GAS2L3: variants seen among roughly 807,000 people sequenced by gnomAD.
GAS2L3 encodes GAS2-like protein 3.
A neutral mutation model predicts 37.0 loss-of-function variants in GAS2L3; 28 were observed. The ratio of observed to expected loss-of-function variants is 0.76; its 90% CI spans 0.56 to 1.04. GAS2L3 has a LOEUF of 1.04. Among genes scored for constraint, GAS2L3 ranks in the 50% least tolerant of loss-of-function variants. GAS2L3 has a pLI of 0.00. For synonymous variants in GAS2L3, 290 were observed against 296.6 expected (o/e 0.98, Z 0.23); for missense variants, 793 against 817.6 (o/e 0.97, Z 0.37).
chr12:100,590,782 T>G (rs755510536), intron 1 of GAS2L3, among the ~76,000 whole-genome samples: 121 of 152,156 alleles, frequency 8.0e-4, no homozygotes, highest in Non-Finnish European at 1.4e-3. Context: ...GCATTTGCAG[T>G]GACCTGGATG....
intron 6 of GAS2L3, 121 bp from the exon 7 acceptor site, chr12:100,617,623 T>C: frequency 1.5e-6 from 1 of 654,864 alleles, no homozygotes; most frequent in Non-Finnish European, 2.7e-6. Flanking sequence ...CTTCATTTTT[T>C]CTAAACAAGT....
Position 100,573,761 on chromosome 12 carries a change from G to T in GAS2L3, c.-176G>T, listed in dbSNP as rs1465879244. 6.5e-6 allele frequency: 1 copy of T among 153,744 alleles called. No individual in the cohort carries two copies. The highest frequency in any genetic ancestry group is 1.5e-5 in the Non-Finnish European group (1 of 68,604). The allele number at this position is 153,744 out of a possible 1,614,324, so 9.5% of individuals were successfully genotyped here. ...GATTGAGCCGAGTTGTCGCCCCGCTGGGAGAAGTGACCCTCCTGCGCCTGG... is the reference window on the plus strand; with the variant it reads ...GATTGAGCCGAGTTGTCGCCCCGCTTGGAGAAGTGACCCTCCTGCGCCTGG... On this transcript the variant is annotated 5_prime_UTR_variant, in exon 1 of 10. Coordinates refer to ENST00000547754, the MANE Select transcript of GAS2L3 (RefSeq NM_174942.3).
At chr12:100,583,010 C>G (rs1955732970) in intron 1 of GAS2L3, among the ~76,000 whole-genome samples, 1 of 152,236 alleles carries the variant, frequency 6.6e-6, no homozygotes. Context: ...TTCGGTGACT[C>G]TGACCTTTCT....
rs1183815679 is a variant in GAS2L3, at chr12:100,612,025, G to T, written c.329G>T (p.Cys110Phe). ...AATTTTCCAATGAGAAAAGTGCCCTGTAAGAAAGATGCTGCATCAGGTTCA... is the reference window on the plus strand; with the variant it reads ...AATTTTCCAATGAGAAAAGTGCCCTTTAAGAAAGATGCTGCATCAGGTTCA... The part of the protein sequence containing the change: ...SGNFPMRKVP[C>F]KKDAASGSFF... Residue 110 changes from cysteine (C) to phenylalanine (F), a missense_variant, in exon 6 of 10, where the codon TGT (cysteine) becomes TTT (phenylalanine). Coordinates refer to ENST00000547754, the MANE Select transcript of GAS2L3 (RefSeq NM_174942.3). The T allele has an allele frequency of 6.2e-7, 1 of 1,610,880 alleles. No homozygotes were observed. Among genetic ancestry groups the T allele is most frequent in the Admixed American group, 1.7e-5 (1 of 59,924 alleles).
intron 1 of GAS2L3, among the ~76,000 whole-genome samples, chr12:100,587,197 G>C (rs959398217): frequency 1.3e-5 from 2 of 152,084 alleles, no homozygotes; most frequent in Admixed American, 1.3e-4. Flanking sequence ...ACAAGATAGA[G>C]AAAGAAGGAA....
intron 5 of GAS2L3, among the ~76,000 whole-genome samples, chr12:100,604,503 T>C (rs1956032710): frequency 7.7e-6 from 1 of 129,692 alleles, no homozygotes; most frequent in Non-Finnish European, 1.6e-5. Context: ...GTGTGGGGTC[T>C]TTAGGTTTTT....
chr12:100,574,088 C>G (rs1335544743), intron 1 of GAS2L3: 2 of 152,332 alleles, frequency 1.3e-5, no homozygotes, highest in East Asian at 3.9e-4. Context: ...CTGGTGTGGG[C>G]GAGCTCAGCT....
At position 100,577,737 on chromosome 12, in the gene GAS2L3, T is replaced by C. The variant is rs187524280; in HGVS notation, c.-152+3952T>C. Among the ~76,000 whole-genome samples, 25 of 152,298 alleles carry C rather than the reference T, an allele frequency of 1.6e-4. No individual in the cohort carries two copies. In the East Asian group the frequency reaches 2.3e-3, roughly 14 times the overall value. Reference sequence around the variant, plus strand: ...TGCAGCAAAATAGAAGCATATAATATTGCTATATCCCTAAATTGGGGAGAT... The same window carrying C: ...TGCAGCAAAATAGAAGCATATAATACTGCTATATCCCTAAATTGGGGAGAT... On this transcript the variant is annotated intron_variant, in intron 1 of 9. Transcript: ENST00000547754.
chr12:100,620,557 C>T (rs774190915), intron 8 of GAS2L3, among the ~76,000 whole-genome samples: 2 of 151,814 alleles, frequency 1.3e-5, no homozygotes, highest in Admixed American at 6.6e-5. Context: ...GGAAAAGATA[C>T]GACTTGTTAT....
At position 100,623,699 on chromosome 12, in the gene GAS2L3, A is replaced by G. The variant is rs755279811; in HGVS notation, c.894A>G (p.Gly298=). 8.1e-6 allele frequency: 13 copies of G among 1,613,952 alleles called. No homozygotes were observed. The African/African-American group carries it at 1.7e-4, about 22-fold the overall frequency. ...AAAAAATTTTAGCATTTCAAAAAGG[A>G]GTTTCTAATGAAAGTGTACCTGATT... ...LEQKILAFQK[G]VSNESVPDSP... The change falls in exon 10 of 10, where the codon GGA becomes GGG. Residue 298 remains glycine (G), a synonymous_variant. Coordinates refer to ENST00000547754, the MANE Select transcript of GAS2L3 (RefSeq NM_174942.3).
intron 8 of GAS2L3, among the ~76,000 whole-genome samples, chr12:100,620,033 G>A (rs1956234790): frequency 6.6e-6 from 1 of 152,018 alleles, no homozygotes; most frequent in South Asian, 2.1e-4. Flanking sequence ...TGTTGGCAAT[G>A]GAAAATGATG....
chr12:100,604,706 A>C (rs1382946488), intron 5 of GAS2L3, among the ~76,000 whole-genome samples: 3 of 151,888 alleles, frequency 2.0e-5, no homozygotes, highest in Non-Finnish European at 4.4e-5. Context: ...GTTTTTCCCC[A>C]TTTGGTATGA....
intron 1 of GAS2L3, chr12:100,580,101 T>G: frequency 2.8e-6 from 3 of 1,072,518 alleles, no homozygotes; most frequent in Non-Finnish European, 4.4e-6. Context: ...TCATTGATAC[T>G]GGAATAGATG....
chr12:100,623,801 A>T lies in GAS2L3; in HGVS notation c.996A>T (p.Lys332Asn). ...AVNMFQKQNS[K>N]PSVPVSIPKS... is the part of the protein sequence containing the mutation. ...ACATGTTTCAGAAACAAAATTCAAA[A>T]CCCAGCGTGCCAGTTAGTATTCCAA... is the stretch of plus-strand genomic sequence containing the variant. Residue 332 changes from lysine to asparagine, a missense_variant, in exon 10 of 10, where the codon AAA (lysine) becomes AAT (asparagine). Physicochemically the swap from Lys to Asn is moderately conservative, Grantham distance 94 (BLOSUM62 0). Transcript: ENST00000547754. 6.2e-7 allele frequency: 1 copy of T among 1,613,994 alleles called. No homozygotes were observed. Among genetic ancestry groups the T allele is most frequent in the Non-Finnish European group, 8.5e-7 (1 of 1,179,974 alleles).
intron 8 of GAS2L3, 96 bp downstream of exon 8, chr12:100,618,683 G>T: frequency 1.8e-6 from 2 of 1,109,380 alleles, no homozygotes; most frequent in South Asian, 1.7e-5. Context: ...ATTTTTAAAA[G>T]CAAGTGTTTC....
intron 6 of GAS2L3, 56 bp downstream of exon 6, chr12:100,612,197 C>G: frequency 7.0e-7 from 1 of 1,423,890 alleles, no homozygotes; most frequent in South Asian, 1.2e-5. Context: ...GTTTTAATAT[C>G]CTTCACCTCT....
At chr12:100,595,645 A>C (rs960227647) in intron 3 of GAS2L3, among the ~76,000 whole-genome samples, 5 of 151,938 alleles carry the variant, frequency 3.3e-5, no homozygotes, top group Non-Finnish European at 4.4e-5. Flanking sequence ...GGAAGTAAAA[A>C]CTTGCATCAA....
chr12:100,592,814 G>T (rs983879336), intron 2 of GAS2L3, among the ~76,000 whole-genome samples: 4 of 151,910 alleles, frequency 2.6e-5, no homozygotes, highest in African/African-American at 9.7e-5. Context: ...GAAATCTAAG[G>T]GAAAAGACTT....
In GAS2L3 at chr12:100,601,663, A is replaced by G; in HGVS notation, c.213A>G (p.Leu71=). The G allele has an allele frequency of 6.3e-7, 1 of 1,585,040 alleles. No individual in the cohort carries two copies. Among genetic ancestry groups the G allele is most frequent in the African/African-American group, 1.3e-5 (1 of 74,368 alleles). ...GTATTAAAGTTAAGGCAGAAAAATT[A>G]TTGGAAGAACTTGATAATGGAGTAC... ...LLGIKVKAEK[L]LEELDNGVLL... Residue 71 remains leucine (L), a synonymous_variant, in exon 5 of 10, where the codon TTA becomes TTG. Coordinates refer to ENST00000547754, the MANE Select transcript of GAS2L3 (RefSeq NM_174942.3).
Sources: allele counts gnomAD v4.1 joint callset (sites outside exome capture counted in the v4.1 genomes callset), GRCh38; gene constraint gnomAD v4.1.1; transcripts MANE v1.5; gene names NCBI Gene and HGNC (gene_info 2026-07-23, HGNC 2026-07-21).